The following CHL1 variants were observed in gnomAD, a reference collection of about 807,000 sequenced individuals.
CHL1 encodes the protein neural cell adhesion molecule L1-like protein.
In CHL1, 96 loss-of-function variants were observed where a neutral mutation model predicts 141.9. The ratio of observed to expected loss-of-function variants is 0.68; its 90% CI spans 0.57 to 0.80. The LOEUF (loss-of-function observed/expected upper bound fraction) is 0.80. Ranked by LOEUF, CHL1 falls within the 30% of genes least tolerant of loss-of-function variation. The pLI, the probability that CHL1 is intolerant of heterozygous loss-of-function variation, is 0.00. For missense variants in CHL1, 1,820 were observed against 1,457.2 expected (o/e 1.25, Z -4.05); for synonymous variants, 613 against 502.2 (o/e 1.22, Z -2.95).
At chr3:222,556 A>C (rs1315946185) in intron 1 of CHL1, among the ~76,000 whole-genome samples, 1 of 152,134 alleles carries the variant, frequency 6.6e-6, no homozygotes, top group Non-Finnish European at 1.5e-5. Context: ...ACATTACATG[A>C]TTACTAGGGA....
chr3:331,476 G>C (rs750622336), intron 5 of CHL1, among the ~76,000 whole-genome samples: 6 of 151,914 alleles, frequency 3.9e-5, no homozygotes, highest in Admixed American at 1.3e-4. Context: ...TCCCAGCCTC[G>C]AGCAATCTTC....
chr3:350,416 A>G, intron 10 of CHL1, among the ~76,000 whole-genome samples: 1 of 152,154 alleles, frequency 6.6e-6, no homozygotes, highest in Admixed American at 6.6e-5. Flanking sequence ...TGATCAAATT[A>G]ATGGAATGAT....
intron 9 of CHL1, among the ~76,000 whole-genome samples, chr3:345,721 G>T (rs1702716403): frequency 1.3e-5 from 2 of 152,076 alleles, no homozygotes; most frequent in South Asian, 4.2e-4. Context: ...CGGACCCTGT[G>T]ATCCACCTGA....
intron 23 of CHL1, among the ~76,000 whole-genome samples, chr3:392,024 T>C (rs1365010938): frequency 6.6e-6 from 1 of 152,196 alleles, no homozygotes; most frequent in Non-Finnish European, 1.5e-5. Context: ...CACTTATTTA[T>C]ATATGTCTAC....
At chr3:350,014 G>A (rs1213422814) in intron 10 of CHL1, among the ~76,000 whole-genome samples, 1 of 152,118 alleles carries the variant, frequency 6.6e-6, no homozygotes. Flanking sequence ...AAAGAGGCAG[G>A]CAAATTGTTG....
intron 1 of CHL1, among the ~76,000 whole-genome samples, chr3:237,156 C>T (rs1692072208): frequency 6.6e-6 from 1 of 152,112 alleles, no homozygotes; most frequent in Admixed American, 6.6e-5. Context: ...GGGGGAAGGA[C>T]CTGGTGGGAG....
At chr3:392,765 T>C (rs80032590) in intron 23 of CHL1, among the ~76,000 whole-genome samples, 465 of 152,322 alleles carry the variant, frequency 3.1e-3, no homozygotes, top group African/African-American at 0.011. Context: ...TAGTTTCTGA[T>C]GGTTTCTGCT....
intron 2 of CHL1, among the ~76,000 whole-genome samples, chr3:309,944 T>C (rs538217280): frequency 2.0e-5 from 3 of 152,320 alleles, no homozygotes; most frequent in South Asian, 4.1e-4. Flanking sequence ...GTTTCCAGAC[T>C]CAATGAGAGT....
intron 1 of CHL1, among the ~76,000 whole-genome samples, chr3:234,471 C>A (rs1321130870): frequency 6.6e-6 from 1 of 152,004 alleles, no homozygotes; most frequent in Non-Finnish European, 1.5e-5. Context: ...GACTAAAATA[C>A]AAAGACAGCC....
intron 25 of CHL1, among the ~76,000 whole-genome samples, chr3:398,638 A>C (rs1394584228): frequency 1.3e-5 from 2 of 152,230 alleles, no homozygotes; most frequent in African/African-American, 4.8e-5. Context: ...ATATCTTAAT[A>C]ACACAAACTA....
chr3:315,033 T>A (rs1450352775), intron 2 of CHL1, among the ~76,000 whole-genome samples: 2 of 152,190 alleles, frequency 1.3e-5, no homozygotes, highest in East Asian at 1.9e-4. Context: ...TAAGTTGTTA[T>A]GATTTTGTAA....
intron 1 of CHL1, chr3:197,745 C>A (rs1213411642): frequency 2.2e-6 from 1 of 454,656 alleles, no homozygotes; most frequent in Admixed American, 2.4e-5. Flanking sequence ...CTCCCCAGAC[C>A]GCCGAGGGGC....
At chr3:392,099 G>T (rs1708273873) in intron 23 of CHL1, among the ~76,000 whole-genome samples, 4 of 152,194 alleles carry the variant, frequency 2.6e-5, no homozygotes, top group Admixed American at 2.6e-4. Context: ...GCCTACAAAG[G>T]CTAAATGTTT....
At chr3:313,074 T>C (rs1344603337) in intron 2 of CHL1, among the ~76,000 whole-genome samples, 2 of 152,166 alleles carry the variant, frequency 1.3e-5, no homozygotes, top group Non-Finnish European at 2.9e-5. Context: ...ATGCTTTTTT[T>C]TCCCTTCTTT....
chr3:337,610 T>C (rs1265905713), intron 5 of CHL1, among the ~76,000 whole-genome samples: 1 of 149,560 alleles, frequency 6.7e-6, no homozygotes, highest in Non-Finnish European at 1.5e-5. Flanking sequence ...AGTGAGAACA[T>C]GCAATGTTTG....
intron 24 of CHL1, among the ~76,000 whole-genome samples, chr3:396,772 C>T (rs1708707401): frequency 6.6e-6 from 1 of 152,058 alleles, no homozygotes; most frequent in African/African-American, 2.4e-5. Flanking sequence ...ACACTGATTT[C>T]TATTCTATAG....
chr3:319,869 TA>T lies in CHL1; in HGVS notation c.91+5del. 6.5e-7 allele frequency: 1 copy of T among 1,550,326 alleles called. No homozygotes were observed. ...AAGCAATTGAAATACCATCTTCAGG[TA>T]AAGTTAAAACATTCAGTGCCTATTA... On this transcript the variant is annotated splice_donor_region_variant and intron_variant, in intron 3 of 27. Transcript: ENST00000256509.
chr3:363,454 G>A, intron 14 of CHL1, 71 bp downstream of exon 14: 1 of 1,334,746 alleles, frequency 7.5e-7, no homozygotes, highest in African/African-American at 1.5e-5. Context: ...TGCCCAAATG[G>A]AATAATACCA....
chr3:313,842 A>G (rs1480657807), intron 2 of CHL1, among the ~76,000 whole-genome samples: 1 of 152,202 alleles, frequency 6.6e-6, no homozygotes, highest in African/African-American at 2.4e-5. Flanking sequence ...GGCATCATGT[A>G]TACTAACAGC....
Sources: gnomAD v4.1 joint callset for allele counts (sites outside exome capture counted in the v4.1 genomes callset) on GRCh38, gnomAD v4.1.1 for gene constraint, MANE v1.5 for transcripts, NCBI Gene and HGNC (gene_info 2026-07-23, HGNC 2026-07-21) for gene names.